The following TENM3 variants were observed in gnomAD, a reference collection of about 807,000 sequenced individuals.
The protein encoded by TENM3 is teneurin transmembrane protein 3.
A neutral mutation model predicts 255.1 loss-of-function variants in TENM3; 63 were observed. That is an observed-to-expected ratio of 0.25 (90% confidence interval 0.20 to 0.30). TENM3 has a LOEUF of 0.30. Ranked by LOEUF, TENM3 falls within the 10% of genes least tolerant of loss-of-function variation. The pLI, the probability that TENM3 is intolerant of heterozygous loss-of-function variation, is 1.00. For synonymous variants in TENM3, 1,306 were observed against 1,322.3 expected (o/e 0.99, Z 0.27); for missense variants, 2,929 against 3,461.1 (o/e 0.85, Z 3.86).
the TENM3 span, among the ~76,000 whole-genome samples, chr4:182,020,625 A>T: frequency 2.0e-5 from 3 of 152,328 alleles, no homozygotes; most frequent in Middle Eastern, 3.4e-3. Flanking sequence ...ATCACTATAC[A>T]TTATATATAT....
chr4:181,475,527 T>G, the TENM3 span, among the ~76,000 whole-genome samples: 1 of 152,186 alleles, frequency 6.6e-6, no homozygotes, highest in Admixed American at 6.5e-5. Flanking sequence ...GGGTTTTAGG[T>G]CAGAATCACT....
At chr4:182,646,734 T>G (rs1362313734) in intron 5 of TENM3, among the ~76,000 whole-genome samples, 1 of 152,000 alleles carries the variant, frequency 6.6e-6, no homozygotes, top group Non-Finnish European at 1.5e-5. Flanking sequence ...AGAGCAAGAC[T>G]TCATCTCAAA....
At chr4:181,484,780 A>T in the TENM3 span, among the ~76,000 whole-genome samples, 1 of 152,122 alleles carries the variant, frequency 6.6e-6, no homozygotes, top group Admixed American at 6.6e-5. Flanking sequence ...TTCCTCTTTG[A>T]AAAGGATAAG....
chr4:182,735,904 C>A (rs551524732), intron 16 of TENM3, among the ~76,000 whole-genome samples: 1 of 152,208 alleles, frequency 6.6e-6, no homozygotes, highest in East Asian at 1.9e-4. Context: ...GACTGGTAAT[C>A]TATGGGGTTA....
the TENM3 span, among the ~76,000 whole-genome samples, chr4:181,642,901 A>C: frequency 1.3e-5 from 2 of 148,282 alleles, no homozygotes; most frequent in African/African-American, 5.3e-5. Context: ...TGTTTTGGTT[A>C]CTGTAGCCTT....
the TENM3 span, among the ~76,000 whole-genome samples, chr4:181,916,775 G>T: frequency 6.6e-6 from 1 of 152,134 alleles, no homozygotes; most frequent in Non-Finnish European, 1.5e-5. Context: ...TACTTGGAAG[G>T]CTGAGACAGG....
chr4:181,902,140 C>T, the TENM3 span, among the ~76,000 whole-genome samples: 1 of 123,030 alleles, frequency 8.1e-6, no homozygotes, highest in South Asian at 2.7e-4. Flanking sequence ...CACACACACA[C>T]TTATATACAA....
At chr4:181,666,265 G>C in the TENM3 span, among the ~76,000 whole-genome samples, 23,209 of 152,102 alleles carry the variant, frequency 0.15, 2,195 homozygotes, top group East Asian at 0.23. Flanking sequence ...ATTTATTTCG[G>C]ATAGATTTTT....
the TENM3 span, among the ~76,000 whole-genome samples, chr4:181,455,960 C>T: frequency 6.6e-6 from 1 of 151,830 alleles, no homozygotes; most frequent in South Asian, 2.1e-4. Flanking sequence ...CCAGCTTTCA[C>T]TGAGAATGTC....
Position 182,737,059 on chromosome 4 carries a change from T to A in TENM3, c.3219T>A (p.Gly1073=). The A allele has an allele frequency of 6.2e-7, 1 of 1,613,588 alleles. No homozygotes were observed. The highest frequency in any genetic ancestry group is 8.5e-7 in the Non-Finnish European group (1 of 1,179,682). ...ATGCATATAATCAGAAAGTCTATGG[T>A]CTATCTGAAGCTGTTGGTAAGTTCC... ...KTDAYNQKVY[G]LSEAVVSVGY... The change falls in exon 17 of 28, where the codon GGT becomes GGA. Residue 1073 remains glycine (G), a synonymous_variant. Transcript: ENST00000511685.
the TENM3 span, among the ~76,000 whole-genome samples, chr4:181,650,324 G>C: frequency 6.6e-5 from 10 of 152,170 alleles, no homozygotes; most frequent in Admixed American, 6.5e-4. Flanking sequence ...TTAAAGGACA[G>C]AGCATAAACA....
chr4:181,743,830 G>T, the TENM3 span, among the ~76,000 whole-genome samples: 1 of 152,118 alleles, frequency 6.6e-6, no homozygotes, highest in Non-Finnish European at 1.5e-5. Context: ...CAACTTTTAA[G>T]TTCAGGGGTA....
At chr4:181,875,437 A>C in the TENM3 span, among the ~76,000 whole-genome samples, 2 of 134,570 alleles carry the variant, frequency 1.5e-5, no homozygotes, top group African/African-American at 5.6e-5. Flanking sequence ...TTTTTTTACC[A>C]GTTTGTAAGT....
the TENM3 span, among the ~76,000 whole-genome samples, chr4:181,474,990 T>A: frequency 6.6e-6 from 1 of 152,142 alleles, no homozygotes; most frequent in South Asian, 2.1e-4. Context: ...ATAAATATCT[T>A]AAAATGAATA....
At chr4:182,369,435 C>G (rs918124328) in intron 3 of TENM3, among the ~76,000 whole-genome samples, 1 of 152,172 alleles carries the variant, frequency 6.6e-6, no homozygotes, top group African/African-American at 2.4e-5. Context: ...CTATTGGCAT[C>G]CAGACAGTAG....
At chr4:182,132,424 A>G in the TENM3 span, among the ~76,000 whole-genome samples, 2 of 152,126 alleles carry the variant, frequency 1.3e-5, no homozygotes, top group South Asian at 2.1e-4. Flanking sequence ...TGGAGGTTGC[A>G]GTGAGCTGAG....
the TENM3 span, among the ~76,000 whole-genome samples, chr4:181,494,053 T>C: frequency 1.3e-5 from 2 of 152,178 alleles, no homozygotes; most frequent in Non-Finnish European, 2.9e-5. Context: ...CATATGTTTC[T>C]TTTATCTCTT....
the TENM3 span, among the ~76,000 whole-genome samples, chr4:181,710,774 C>T: frequency 6.6e-6 from 1 of 151,804 alleles, no homozygotes; most frequent in Non-Finnish European, 1.5e-5. Context: ...GTCTTGAACT[C>T]CTTGGCTCAA....
chr4:181,718,408 C>T, the TENM3 span, among the ~76,000 whole-genome samples: 1 of 152,150 alleles, frequency 6.6e-6, no homozygotes, highest in South Asian at 2.1e-4. Context: ...TGTCACCCAA[C>T]GTTCAGTTTG....
Sources: gnomAD v4.1 joint callset for allele counts (sites outside exome capture counted in the v4.1 genomes callset) on GRCh38, gnomAD v4.1.1 for gene constraint, MANE v1.5 for transcripts, NCBI Gene and HGNC (gene_info 2026-07-23, HGNC 2026-07-21) for gene names.